Variants in PPP2R5C observed in about 807,000 individuals in gnomAD.
PPP2R5C encodes serine/threonine-protein phosphatase 2A 56 kDa regulatory subunit gamma isoform.
PPP2R5C carries 7 observed loss-of-function variants against 68.9 expected under a neutral mutation model. The observed-to-expected ratio is 0.10, with a 90% confidence interval of 0.06 to 0.19. PPP2R5C has a LOEUF of 0.19. Ranked by LOEUF, PPP2R5C falls within the 10% of genes least tolerant of loss-of-function variation. The pLI is 1.00. For synonymous variants in PPP2R5C, 210 were observed against 222.2 expected (o/e 0.95, Z 0.49); for missense variants, 348 against 641.3 (o/e 0.54, Z 4.94).
chr14:101,762,005 G>C, intron 1 of PPP2R5C, 85 bp downstream of exon 1: 1 of 1,139,032 alleles, frequency 8.8e-7, no homozygotes, highest in South Asian at 4.3e-5. Context: ...CCTGCGCCCG[G>C]GCCCCGGCTC....
At chr14:101,764,853 T>G (rs1332631798) in intron 2 of PPP2R5C, among the ~76,000 whole-genome samples, 1 of 151,562 alleles carries the variant, frequency 6.6e-6, no homozygotes, top group Non-Finnish European at 1.5e-5. Context: ...CTGCTAAGAT[T>G]TCTTCTCCCC....
At chr14:101,896,653 A>AG (rs1173052965) in intron 8 of PPP2R5C, among the ~76,000 whole-genome samples, 21 of 151,696 alleles carry the variant, frequency 1.4e-4, no homozygotes, top group African/African-American at 4.6e-4. Flanking sequence ...AAAAAAAAAA[A>AG]AAGTGTATAT....
chr14:101,890,508 C>A (rs908380544), intron 6 of PPP2R5C, among the ~76,000 whole-genome samples: 1 of 152,130 alleles, frequency 6.6e-6, no homozygotes, highest in East Asian at 1.9e-4. Context: ...TGGTTCTGTA[C>A]GTAGATTCTA....
intron 2 of PPP2R5C, among the ~76,000 whole-genome samples, chr14:101,861,212 C>T (rs1334400991): frequency 6.6e-6 from 1 of 152,142 alleles, no homozygotes; most frequent in East Asian, 1.9e-4. Context: ...AAATCTGAAA[C>T]TTTGACATAT....
At chr14:101,774,934 C>T (rs568089781) in intron 2 of PPP2R5C, among the ~76,000 whole-genome samples, 2 of 152,302 alleles carry the variant, frequency 1.3e-5, no homozygotes, top group South Asian at 4.1e-4. Flanking sequence ...AGAGAGAAGC[C>T]ACAGACAACA....
rs1321205019 is a variant in PPP2R5C at position 101,797,575 on chromosome 14, A to G, written c.259+11392A>G. The G allele has an allele frequency of 4.3e-6, 1 of 232,568 alleles. No homozygotes were observed. The highest frequency in any genetic ancestry group is 8.7e-6 in the Non-Finnish European group (1 of 114,452). The allele number at this position is 232,568 out of a possible 1,614,324, so 14.4% of individuals were successfully genotyped here. ...CCCAGCCAGGGCCACCTATCCCTTC[A>G]CCTCCCTCCACCTCGGATTTCCTCT... On this transcript the variant is annotated intron_variant, in intron 3 of 14. Coordinates refer to the PPP2R5C transcript ENST00000328724. This position sits in a 1 kb window ranked among gnomAD's most constrained non-coding sequence, Gnocchi z 4.2.
intron 5 of PPP2R5C, among the ~76,000 whole-genome samples, chr14:101,885,041 G>A (rs576130120): frequency 2.9e-4 from 44 of 152,210 alleles, no homozygotes; most frequent in Non-Finnish European, 5.6e-4. Context: ...AGGATGTTGC[G>A]AGGTAGTGAC....
chr14:101,829,221 T>G (rs1199749402), intron 1 of PPP2R5C, among the ~76,000 whole-genome samples: 1 of 152,178 alleles, frequency 6.6e-6, no homozygotes, highest in Non-Finnish European at 1.5e-5. Flanking sequence ...CCCTTCTCCA[T>G]TCCTCCAAGA....
chr14:101,898,078 T>C (rs759117539), intron 8 of PPP2R5C, among the ~76,000 whole-genome samples: 7 of 152,138 alleles, frequency 4.6e-5, no homozygotes, highest in Non-Finnish European at 1.0e-4. Context: ...AAGAGTTGTT[T>C]GAGCCCAGGG....
At position 101,762,351 on chromosome 14, in the gene PPP2R5C, C is replaced by A. The variant is rs560403143; in HGVS notation, c.27+431C>A. On this transcript the variant is annotated intron_variant, in intron 1 of 14. Transcript: ENST00000328724. ...GGGCTGTAGACGCCTGGGGAGGGAC[C>A]CCTGTACGGGGGAAAGGGAGCGAGA... 6.6e-4 allele frequency among the ~76,000 whole-genome samples: 101 copies of A among 152,212 alleles called. 1 individual carries two copies. Among genetic ancestry groups the A allele is most frequent in the Non-Finnish European group, 7.9e-4 (54 of 67,986 alleles).
chr14:101,869,625 G>A (rs529007706), intron 2 of PPP2R5C, among the ~76,000 whole-genome samples: 1 of 152,128 alleles, frequency 6.6e-6, no homozygotes, highest in East Asian at 1.9e-4. Context: ...ATTTTAATTT[G>A]CATTTCCTTA....
upstream of PPP2R5C, among the ~76,000 whole-genome samples, chr14:101,805,116 T>C (rs1200793989): frequency 6.6e-6 from 1 of 152,204 alleles, no homozygotes. Context: ...TTGTTTGAGA[T>C]GGAGTCTCGC....
intron 2 of PPP2R5C, among the ~76,000 whole-genome samples, chr14:101,867,572 G>C (rs1278215940): frequency 1.3e-5 from 2 of 152,120 alleles, no homozygotes; most frequent in African/African-American, 4.8e-5. Flanking sequence ...GAGGTCAGGA[G>C]CTCGAGACCA....
intron 2 of PPP2R5C, among the ~76,000 whole-genome samples, chr14:101,881,776 C>T (rs754875629): frequency 2.6e-5 from 4 of 152,240 alleles, no homozygotes; most frequent in Non-Finnish European, 5.9e-5. Flanking sequence ...ATCTCTGCTG[C>T]GTCTTTCGTC....
In PPP2R5C at chr14:101,898,745, G is replaced by A. The variant is rs1004977206; in HGVS notation, c.853-2974G>A. Among the ~76,000 whole-genome samples, 6 of 152,278 alleles carry A rather than the reference G, an allele frequency of 3.9e-5. No homozygotes were observed. In the East Asian group the frequency reaches 1.2e-3, roughly 29 times the overall value. On this transcript the variant is annotated intron_variant, in intron 8 of 13. Transcript: ENST00000334743. ...GCTGCACAGATAATGTAATAGTACC[G>A]TCCTGGCTTTAGAAAGCAGATTCAA...
chr14:101,883,201 A>T, intron 3 of PPP2R5C, 56 bp from the exon 6 acceptor site: 1 of 1,239,122 alleles, frequency 8.1e-7, no homozygotes, highest in Non-Finnish European at 1.1e-6. Context: ...GGTATATTTT[A>T]ACCGCCATTC....
At chr14:101,876,985 A>G (rs1984958) in intron 2 of PPP2R5C, among the ~76,000 whole-genome samples, 6,056 of 114,164 alleles carry the variant, frequency 0.053, 347 homozygotes, top group African/African-American at 0.16. Context: ...GTCTCACTCT[A>G]TTGCCCAGGC....
In PPP2R5C at chr14:101,797,681, AAAAC is replaced by A. The variant is rs1008483289; in HGVS notation, c.259+11501_259+11504del. On this transcript the variant is annotated intron_variant, in intron 3 of 14. Coordinates refer to the PPP2R5C transcript ENST00000328724. The surrounding 1 kb of genome is among the most constrained non-coding windows in gnomAD (Gnocchi z 4.2). ...TCGGCAAGTTGGCAAGTTAAAAAAA[AAAAC>A]AATCAGCATGAAAGCACTCCGATGT... The A allele has an allele frequency of 2.8e-5, 5 of 180,072 alleles. No individual in the cohort carries two copies. In the Admixed American group the frequency reaches 2.8e-4, roughly 10 times the overall value. The allele number at this position is 180,072 out of a possible 1,614,324, so 11.2% of individuals were successfully genotyped here. A position where few individuals can be genotyped will look rare whatever the true frequency, so the allele number is the denominator to read the frequency against.
intron 1 of PPP2R5C, chr14:101,818,982 T>G: frequency 6.5e-7 from 1 of 1,535,114 alleles, no homozygotes; most frequent in Non-Finnish European, 8.8e-7. Flanking sequence ...AAAGTTATGT[T>G]TCACTCTAGG....
Sources: allele counts gnomAD v4.1 joint callset (sites outside exome capture counted in the v4.1 genomes callset), GRCh38; gene constraint gnomAD v4.1.1; non-coding constraint Gnocchi (gnomAD v3.1); transcripts MANE v1.5; gene names NCBI Gene and HGNC (gene_info 2026-07-23, HGNC 2026-07-21).